The following ZFPL1 variants were observed in gnomAD, a reference collection of about 807,000 sequenced individuals.
The protein encoded by ZFPL1 is zinc finger protein like 1, also known as zinc finger protein-like 1.
In ZFPL1, 28 loss-of-function variants were observed where a neutral mutation model predicts 32.0. That is an observed-to-expected ratio of 0.87 (90% CI 0.65 to 1.20). The LOEUF (loss-of-function observed/expected upper bound fraction) is 1.20. Ranked by LOEUF, ZFPL1 falls within the 50% of genes most tolerant of loss-of-function variation. ZFPL1 has a pLI of 0.00. For synonymous variants in ZFPL1, 165 were observed against 177.0 expected (o/e 0.93, Z 0.54); for missense variants, 386 against 424.8 (o/e 0.91, Z 0.80).
At chr11:65,084,941 T>G (rs1273510343) in intron 2 of ZFPL1, 141 bp downstream of exon 2, 1 of 1,100,866 alleles carries the variant, frequency 9.1e-7, no homozygotes, top group Admixed American at 2.0e-5. Context: ...CACTGATATA[T>G]CCCCCGTTCC....
In ZFPL1 at chr11:65,086,718, A is replaced by C; in HGVS notation, c.409-2A>C. ...CCTGGTGACCCAGATTCCTTCCTCC[A>C]GATCGATGAGGTGGTGAGCCCAGAG... On this transcript the variant is annotated splice_acceptor_variant, in intron 4 of 7. Coordinates refer to ENST00000294258, the MANE Select transcript of ZFPL1 (RefSeq NM_006782.4). LOFTEE classifies it high-confidence loss of function. The C allele has an allele frequency of 6.2e-7, 1 of 1,614,186 alleles. No individual in the cohort carries two copies. Among genetic ancestry groups the C allele is most frequent in the Non-Finnish European group, 8.5e-7 (1 of 1,180,032 alleles).
Position 65,086,993 on chromosome 11 carries a change from G to GC in ZFPL1, c.553dup (p.Arg185ProfsTer21), listed in dbSNP as rs1362755132. 1.2e-6 allele frequency: 2 copies of GC among 1,613,878 alleles called. No individual in the cohort carries two copies. Among genetic ancestry groups the GC allele is most frequent in the South Asian group, 1.1e-5 (1 of 91,068 alleles). On this transcript the variant is annotated frameshift_variant, in exon 6 of 8. Transcript: ENST00000294258. LOFTEE classifies it high-confidence loss of function. ...TGCTGCCCCAGCCTTCTACAGCCAGGCCCCCCGGCCCCCAGCTTCCCCAGG... is the reference window on the plus strand; with the variant it reads ...TGCTGCCCCAGCCTTCTACAGCCAGGCCCCCCCGGCCCCCAGCTTCCCCAGG...
intron 3 of ZFPL1, chr11:65,086,003 A>T: frequency 4.0e-6 from 1 of 251,238 alleles, no homozygotes. Context: ...GTGTTTGATT[A>T]TGTGCTTATA....
At chr11:65,085,300 T>C in intron 3 of ZFPL1, 74 bp downstream of exon 3, 1 of 1,345,048 alleles carries the variant, frequency 7.4e-7, no homozygotes, top group Non-Finnish European at 1.1e-6. Flanking sequence ...CAGGCCCTCC[T>C]CAAGCAGCAG....
chr11:65,087,579 T>G (rs1947692475), intron 7 of ZFPL1, 146 bp downstream of exon 7: 2 of 754,024 alleles, frequency 2.7e-6, no homozygotes, highest in Non-Finnish European at 4.4e-6. Flanking sequence ...AGAGAGGCCT[T>G]GGCTGTGCAG....
chr11:65,085,927 T>G (rs572256814), intron 3 of ZFPL1: 1 of 201,938 alleles, frequency 5.0e-6, no homozygotes, highest in South Asian at 7.4e-5. Flanking sequence ...AGCAAACCTG[T>G]GAGTGTATAG....
intron 4 of ZFPL1, 37 bp from the exon 5 acceptor site, chr11:65,086,683 T>C: frequency 6.2e-7 from 1 of 1,614,132 alleles, no homozygotes; most frequent in Middle Eastern, 1.6e-4. Flanking sequence ...GTGGGGACAA[T>C]ACTAGGCAGC....
chr11:65,084,609 T>G, intron 1 of ZFPL1, 82 bp from the exon 2 acceptor site: 2 of 1,155,794 alleles, frequency 1.7e-6, no homozygotes, highest in South Asian at 1.3e-5. Flanking sequence ...TCTGGGGGAG[T>G]TAAGAGTGGA....
Position 65,084,364 on chromosome 11 carries a change from A to G in ZFPL1, c.-23A>G, listed in dbSNP as rs1341441716. The G allele has an allele frequency of 3.9e-6, 2 of 508,806 alleles. No individual in the cohort carries two copies. The highest frequency in any genetic ancestry group is 7.0e-6 in the Non-Finnish European group (2 of 286,728). The allele number at this position is 508,806 out of a possible 1,614,324, so 31.5% of individuals were successfully genotyped here. A position where few individuals can be genotyped will look rare whatever the true frequency, so the allele number is the denominator to read the frequency against. ...GAACCAGTGCAGCGGCCGATCAGTA[A>G]ACACAGAGACTGGGGTCTGTAGAGA... On this transcript the variant is annotated 5_prime_UTR_variant, in exon 1 of 8. Coordinates refer to ENST00000294258, the MANE Select transcript of ZFPL1 (RefSeq NM_006782.4).
rs778061957 is a variant in ZFPL1 at position 65,088,079 on chromosome 11, C to A, written c.898C>A (p.Leu300Ile). The A allele has an allele frequency of 7.4e-6, 12 of 1,611,500 alleles. No individual in the cohort carries two copies. The highest frequency in any genetic ancestry group is 1.0e-5 in the Non-Finnish European group (12 of 1,179,668). ...TGACAGCGATCCCAACCTGGACCCACTCATGAACCCTCACATCCGCGTGGG... is the reference window on the plus strand; with the variant it reads ...TGACAGCGATCCCAACCTGGACCCAATCATGAACCCTCACATCCGCGTGGG... ...AADSDPNLDP[L>I]MNPHIRVGPS Residue 300 changes from leucine (L) to isoleucine (I), a missense_variant, in exon 8 of 8, where the codon CTC becomes ATC. Physicochemically the swap from Leu to Ile is conservative, Grantham distance 5. Transcript: ENST00000294258.
Position 65,087,187 on chromosome 11 carries a change from G to A in ZFPL1, c.628+113G>A. On this transcript the variant is annotated intron_variant, in intron 6 of 7. Coordinates refer to ENST00000294258, the MANE Select transcript of ZFPL1 (RefSeq NM_006782.4). Reference sequence around the variant, plus strand: ...CCCGGAGGAACCTTTCCTTAATCCAGGCACAGCCATTACCTCCTCACAATT... The same window carrying A: ...CCCGGAGGAACCTTTCCTTAATCCAAGCACAGCCATTACCTCCTCACAATT... 5.1e-6 allele frequency: 8 copies of A among 1,557,868 alleles called. No individual in the cohort carries two copies. The South Asian group carries it at 9.4e-5, about 18-fold the overall frequency.
chr11:65,087,120 G>A, intron 6 of ZFPL1, 46 bp downstream of exon 6: 1 of 1,594,340 alleles, frequency 6.3e-7, no homozygotes, highest in African/African-American at 1.3e-5. Flanking sequence ...GGAAGAGGGT[G>A]GAATGGTTTG....
Position 65,086,564 on chromosome 11 carries a change from C to T in ZFPL1, c.364C>T (p.Leu122=). ...CGTGGCCTCCGCACTGAGAGAGAAG[C>T]TGGCCACAGTCAACTGGGCCCGGGC... ...GPVASALREK[L]ATVNWARAGL... Residue 122 remains leucine, a synonymous_variant, in exon 4 of 8, where the codon CTG becomes TTG. Coordinates refer to ENST00000294258, the MANE Select transcript of ZFPL1 (RefSeq NM_006782.4). 2 of 1,614,176 alleles carry T rather than the reference C, an allele frequency of 1.2e-6. No individual in the cohort carries two copies. Among genetic ancestry groups the T allele is most frequent in the Non-Finnish European group, 1.7e-6 (2 of 1,180,026 alleles).
At position 65,088,315 on chromosome 11, in the gene ZFPL1, T is replaced by A; in HGVS notation, c.*201T>A. 3 of 1,129,040 alleles carry A rather than the reference T, an allele frequency of 2.7e-6. No individual in the cohort carries two copies. The highest frequency in any genetic ancestry group is 3.8e-6 in the Non-Finnish European group (3 of 784,334). The allele number at this position is 1,129,040 out of a possible 1,614,324, so 69.9% of individuals were successfully genotyped here. On this transcript the variant is annotated 3_prime_UTR_variant, in exon 8 of 8. Coordinates refer to ENST00000294258, the MANE Select transcript of ZFPL1 (RefSeq NM_006782.4). ...CGTGGGTCAAGCATTTGTCTTGACT[T>A]GCTTTCCTCCCGGGTCTCCAGCCTC...
intron 4 of ZFPL1, 32 bp from the exon 5 acceptor site, chr11:65,086,687 AG>A (rs755231902): frequency 1.0e-4 from 162 of 1,614,016 alleles, no homozygotes; most frequent in Non-Finnish European, 1.2e-4. Context: ...GGACAATACT[AG>A]GCAGCCTGGT....
Position 65,087,063 on chromosome 11 carries a change from C to T in ZFPL1, c.617C>T (p.Pro206Leu), listed in dbSNP as rs1200323865. 1.2e-6 allele frequency: 2 copies of T among 1,612,798 alleles called. No homozygotes were observed. Among genetic ancestry groups the T allele is most frequent in the African/African-American group, 2.7e-5 (2 of 74,864 alleles). ...GTGATCCACATGGGCAATCCTGAGC[C>T]CTTGACTCACGGTGAGCCTGGGAGT... is the stretch of plus-strand genomic sequence containing the variant. ...HTVIHMGNPE[P>L]LTHAPRKVYD... is the part of the protein sequence containing the mutation. The change falls in exon 6 of 8, where the codon CCC becomes CTC. Residue 206 changes from proline to leucine, a missense_variant. By Grantham distance (98) the Pro-to-Leu change is moderately conservative. Transcript: ENST00000294258.
chr11:65,085,444 CCT>C, intron 3 of ZFPL1: 1 of 578,278 alleles, frequency 1.7e-6, no homozygotes, highest in East Asian at 2.9e-5. Flanking sequence ...GCTCCTAGTT[CCT>C]CTTTCCTAAA....
In ZFPL1 at chr11:65,087,099, G is replaced by C. The variant is rs755293678; in HGVS notation, c.628+25G>C. On this transcript the variant is annotated intron_variant, in intron 6 of 7. Coordinates refer to ENST00000294258, the MANE Select transcript of ZFPL1 (RefSeq NM_006782.4). ...GGTGAGCCTGGGAGTTATCCAGGCC[G>C]CAGAAGGATAGGAAGAGGGTGGAAT... is the stretch of plus-strand genomic sequence containing the variant. The C allele has an allele frequency of 1.9e-6, 3 of 1,602,458 alleles. No individual in the cohort carries two copies. In the African/African-American group the frequency reaches 4.0e-5, roughly 21 times the overall value.
rs774010585 is a variant in ZFPL1, at chr11:65,086,585, C to T, written c.385C>T (p.Arg129Trp). 8.1e-6 allele frequency: 13 copies of T among 1,614,104 alleles called. No individual in the cohort carries two copies. The highest frequency in any genetic ancestry group is 2.2e-5 in the East Asian group (1 of 44,886). The change falls in exon 4 of 8, where the codon CGG (arginine) becomes TGG (tryptophan). Residue 129 changes from arginine (R) to tryptophan (W), a missense_variant. Physicochemically the swap from Arg to Trp is moderately radical, Grantham distance 101 (BLOSUM62 -3). Coordinates refer to ENST00000294258, the MANE Select transcript of ZFPL1 (RefSeq NM_006782.4). ...REKLATVNWA[R>W]AGLGLPLIDE... ...GAAGCTGGCCACAGTCAACTGGGCCCGGGCAGGACTGGGCCTCCCTCTGGT... is the reference window on the plus strand; with the variant it reads ...GAAGCTGGCCACAGTCAACTGGGCCTGGGCAGGACTGGGCCTCCCTCTGGT...
Sources: allele counts gnomAD v4.1 joint callset, GRCh38; gene constraint gnomAD v4.1.1; transcripts MANE v1.5; gene names NCBI Gene and HGNC (gene_info 2026-07-23, HGNC 2026-07-21).